GFRA2: variants seen among roughly 807,000 people sequenced by gnomAD.
GFRA2 encodes the protein GDNF family receptor alpha 2, also known as GDNF family receptor alpha-2.
A neutral mutation model predicts 48.3 loss-of-function variants in GFRA2; 17 were observed. The ratio of observed to expected loss-of-function variants is 0.35; its 90% CI spans 0.24 to 0.53. The LOEUF is 0.53. GFRA2 is among the 20% of genes least tolerant of loss of function. The pLI, the probability that GFRA2 is intolerant of heterozygous loss-of-function variation, is 0.93. For missense variants in GFRA2, 660 were observed against 637.3 expected (o/e 1.04, Z -0.38); for synonymous variants, 305 against 257.2 (o/e 1.19, Z -1.78).
In GFRA2 at chr8:21,782,711, CCTT is replaced by C. The variant is rs1807071278; in HGVS notation, c.226_228del (p.Lys76del). The C allele has an allele frequency of 6.3e-7, 1 of 1,596,150 alleles. No individual in the cohort carries two copies. The highest frequency in any genetic ancestry group is 8.5e-7 in the Non-Finnish European group (1 of 1,171,942). On this transcript the variant is annotated inframe_deletion, in exon 2 of 9. Transcript: ENST00000524240. The stretch of plus-strand genomic sequence containing the variant: ...AAGACCTCCAAGGCCGCCTGGCACT[CCTT>C]GTTGGCCAGCATGGTGTTGCGGTCG...
rs139449200 is a variant in GFRA2, at chr8:21,730,519, G to A, written c.794+20069C>T. On this transcript the variant is annotated intron_variant, in intron 4 of 8. Coordinates refer to ENST00000524240, the MANE Select transcript of GFRA2 (RefSeq NM_001495.5). ...CCCCTATCTGCACCACAGAGGGAGC[G>A]AAGGTTTGAGCCTTCCATGGCAATG... Among the ~76,000 whole-genome samples, 191 of 152,278 alleles carry A rather than the reference G, an allele frequency of 1.3e-3. 3 individuals are homozygous for A. The East Asian group carries it at 0.022, about 18-fold the overall frequency.
At chr8:21,733,653 T>C (rs1441494405) in intron 4 of GFRA2, among the ~76,000 whole-genome samples, 1 of 152,216 alleles carries the variant, frequency 6.6e-6, no homozygotes, top group African/African-American at 2.4e-5. Flanking sequence ...AGTACATCTC[T>C]CTGCAGCATT....
At chr8:21,787,495 G>A (rs1023774053) in intron 1 of GFRA2, among the ~76,000 whole-genome samples, 4 of 152,298 alleles carry the variant, frequency 2.6e-5, no homozygotes, top group Admixed American at 6.5e-5. Context: ...GGCTCGGTGG[G>A]GAGAAACTTG....
intron 4 of GFRA2, among the ~76,000 whole-genome samples, chr8:21,712,972 G>A (rs895338184): frequency 4.0e-5 from 6 of 151,634 alleles, no homozygotes; most frequent in South Asian, 2.1e-4. Flanking sequence ...GTCCAGCTTC[G>A]GCTCGGCATC....
intron 4 of GFRA2, among the ~76,000 whole-genome samples, chr8:21,709,409 G>T (rs904427514): frequency 4.6e-5 from 7 of 152,262 alleles, no homozygotes; most frequent in Admixed American, 4.6e-4. Context: ...CAGAGTGGCA[G>T]ATTCCATTGA....
At chr8:21,784,366 T>C (rs1807162632) in intron 1 of GFRA2, 1 of 455,876 alleles carries the variant, frequency 2.2e-6, no homozygotes, top group Non-Finnish European at 4.4e-6. Flanking sequence ...TTTGGGAGGC[T>C]TCCTCGACTC....
intron 2 of GFRA2, among the ~76,000 whole-genome samples, chr8:21,799,992 G>A: frequency 6.6e-6 from 1 of 152,176 alleles, no homozygotes; most frequent in African/African-American, 2.4e-5. Flanking sequence ...CCATTGCATG[G>A]TGCACTTTGG....
intron 3 of GFRA2, among the ~76,000 whole-genome samples, chr8:21,759,466 G>GAA (rs1487124275): frequency 1.7e-5 from 2 of 116,134 alleles, no homozygotes; most frequent in African/African-American, 3.4e-5. Flanking sequence ...GGGAGGGAGG[G>GAA]AGGGAGGGAA....
At chr8:21,715,387 C>T (rs964494886) in intron 4 of GFRA2, among the ~76,000 whole-genome samples, 1 of 152,224 alleles carries the variant, frequency 6.6e-6, no homozygotes, top group Non-Finnish European at 1.5e-5. Context: ...GGGCTCACTG[C>T]AACCTCCGCT....
intron 2 of GFRA2, among the ~76,000 whole-genome samples, chr8:21,778,240 T>C (rs1806807224): frequency 6.6e-6 from 1 of 152,052 alleles, no homozygotes; most frequent in African/African-American, 2.4e-5. Context: ...GCAGCCTCCC[T>C]CAGGGAGACT....
chr8:21,707,261 G>C (rs751528428), intron 4 of GFRA2, among the ~76,000 whole-genome samples: 6 of 152,170 alleles, frequency 3.9e-5, no homozygotes, highest in Non-Finnish European at 8.8e-5. Flanking sequence ...TGCACATATA[G>C]CACCTCATGA....
At position 21,788,307 on chromosome 8, in the gene GFRA2, C is replaced by CAGCTAGTCCACCCGATGAA. The variant is rs1228176990; in HGVS notation, c.-149_-148insTTCATCGGGTGGACTAGCT. On this transcript the variant is annotated 5_prime_UTR_variant, in exon 1 of 9. Coordinates refer to ENST00000524240, the MANE Select transcript of GFRA2 (RefSeq NM_001495.5). ...CAGCTAGTCCACCCGATGAAGATCCCGAGTCCTGCGATTCTCGCCTCTGGC... is the reference window on the plus strand; with the variant it reads ...CAGCTAGTCCACCCGATGAAGATCCCAGCTAGTCCACCCGATGAAGAGTCCTGCGATTCTCGCCTCTGGC... 3 of 1,384,292 alleles carry CAGCTAGTCCACCCGATGAA rather than the reference C, an allele frequency of 2.2e-6. No individual in the cohort carries two copies. Among genetic ancestry groups the CAGCTAGTCCACCCGATGAA allele is most frequent in the Non-Finnish European group, 1.9e-6 (2 of 1,068,600 alleles). The allele number at this position is 1,384,292 out of a possible 1,614,324, so 85.8% of individuals were successfully genotyped here.
At chr8:21,745,167 C>G (rs116239202) in intron 4 of GFRA2, among the ~76,000 whole-genome samples, 1 of 152,254 alleles carries the variant, frequency 6.6e-6, no homozygotes, top group African/African-American at 2.4e-5. Flanking sequence ...AGGCCTGCCA[C>G]GCAGTGTGCC....
intron 1 of GFRA2, among the ~76,000 whole-genome samples, chr8:21,806,282 T>A (rs966737725): frequency 6.6e-6 from 1 of 152,196 alleles, no homozygotes; most frequent in African/African-American, 2.4e-5. Context: ...ACTTCCAATA[T>A]GCATGCAACC....
intron 3 of GFRA2, among the ~76,000 whole-genome samples, chr8:21,768,638 G>A (rs947486694): frequency 1.3e-4 from 20 of 152,188 alleles, no homozygotes; most frequent in African/African-American, 3.6e-4. Context: ...GACACCGGCC[G>A]AGCAAAGCCG....
intron 2 of GFRA2, among the ~76,000 whole-genome samples, chr8:21,795,396 T>A (rs1271037814): frequency 5.1e-5 from 7 of 138,242 alleles, no homozygotes; most frequent in South Asian, 2.1e-4. Context: ...TTTTATTTAT[T>A]TATTTTTTTT....
chr8:21,752,738 A>C (rs1805360112), intron 3 of GFRA2, among the ~76,000 whole-genome samples: 1 of 151,826 alleles, frequency 6.6e-6, no homozygotes, highest in East Asian at 1.9e-4. Flanking sequence ...ATTTCCCCCC[A>C]AAACCTGGGG....
At position 21,795,518 on chromosome 8, in the gene GFRA2, G is replaced by A. The variant is rs1040742377; in HGVS notation, c.-35-7324C>T. ...AGCGATTCTCATGCCTCAGCATCCC[G>A]AGTAGGTGGAATTACAGGCGTGTGC... On this transcript the variant is annotated intron_variant, in intron 2 of 10. Transcript: ENST00000517328. 3.9e-5 allele frequency among the ~76,000 whole-genome samples: 6 copies of A among 151,988 alleles called. No homozygotes were observed. In the East Asian group the frequency reaches 5.8e-4, roughly 15 times the overall value.
chr8:21,760,569 G>C lies in GFRA2; in HGVS notation c.440-9627C>G, dbSNP rs1585310059. Among the ~76,000 whole-genome samples the C allele has an allele frequency of 1.3e-5, 2 of 152,300 alleles. 1 individual carries two copies. The highest frequency in any genetic ancestry group is 4.8e-5 in the African/African-American group (2 of 41,564). ...GGAAAGAAGAGAGGCAGAATGAAATGGACTATTCTGTTTTTGACTTAAGTT... is the reference window on the plus strand; with the variant it reads ...GGAAAGAAGAGAGGCAGAATGAAATCGACTATTCTGTTTTTGACTTAAGTT... On this transcript the variant is annotated intron_variant, in intron 3 of 8. Coordinates refer to ENST00000524240, the MANE Select transcript of GFRA2 (RefSeq NM_001495.5).
Sources: gnomAD v4.1 joint callset for allele counts (sites outside exome capture counted in the v4.1 genomes callset) on GRCh38, gnomAD v4.1.1 for gene constraint, MANE v1.5 for transcripts, NCBI Gene and HGNC (gene_info 2026-07-23, HGNC 2026-07-21) for gene names.